SHLD1: variants seen among roughly 807,000 people sequenced by gnomAD.
The protein encoded by SHLD1 is RINN1-REV7-interacting novel NHEJ regulator 3.
SHLD1 carries 3 observed loss-of-function variants against 5.5 expected under a neutral mutation model. The observed-to-expected ratio is 0.54, with a 90% confidence interval of 0.25 to 1.40. The LOEUF (loss-of-function observed/expected upper bound fraction) is 1.40. Among genes scored for constraint, SHLD1 ranks in the 40% most tolerant of loss-of-function variants. The pLI, the probability that SHLD1 is intolerant of heterozygous loss-of-function variation, is 0.15. For synonymous variants in SHLD1, 92 were observed against 94.3 expected (o/e 0.98, Z 0.14); for missense variants, 210 against 244.4 (o/e 0.86, Z 0.94).
chr20:5,755,687 G>A (rs1177487537), intron 1 of SHLD1, among the ~76,000 whole-genome samples: 1 of 151,936 alleles, frequency 6.6e-6, no homozygotes, highest in African/African-American at 2.4e-5. Flanking sequence ...AGCCTCCCCA[G>A]TAGCTGGGAT....
chr20:5,831,522 T>C lies in SHLD1; in HGVS notation c.179-31502T>C, dbSNP rs1017107628. On this transcript the variant is annotated intron_variant, in intron 2 of 2. Transcript: ENST00000303142. ...TCCATTCAGGAGATATGAAAGGCTG[T>C]GCTGTTGCTTACATTTCTGGAACCA... Among the ~76,000 whole-genome samples, 3 of 152,194 alleles carry C rather than the reference T, an allele frequency of 2.0e-5. No homozygotes were observed. The East Asian group carries it at 5.8e-4, about 29-fold the overall frequency.
At chr20:5,849,688 G>A (rs945215958) in intron 2 of SHLD1, among the ~76,000 whole-genome samples, 14 of 152,164 alleles carry the variant, frequency 9.2e-5, no homozygotes, top group Admixed American at 1.3e-4. Flanking sequence ...GGCCGGGCGC[G>A]GTGGCTCACG....
intron 2 of SHLD1, among the ~76,000 whole-genome samples, chr20:5,783,246 A>G (rs1452603883): frequency 6.6e-6 from 1 of 151,910 alleles, no homozygotes; most frequent in Admixed American, 6.6e-5. Flanking sequence ...TTGTTTTGAG[A>G]CAGAGTCTCA....
chr20:5,805,399 C>T (rs751392272), intron 2 of SHLD1, among the ~76,000 whole-genome samples: 5 of 152,082 alleles, frequency 3.3e-5, no homozygotes, highest in East Asian at 1.9e-4. Context: ...TCAGGTGATC[C>T]GCCCACCTCA....
chr20:5,796,410 GT>G (rs11475780), intron 2 of SHLD1, among the ~76,000 whole-genome samples: 42,331 of 151,926 alleles, frequency 0.28, 5,922 homozygotes, highest in Middle Eastern at 0.34. Context: ...CCCCTCTAGA[GT>G]TTTTTCTTTT....
At chr20:5,833,863 T>C (rs1396813769) in intron 2 of SHLD1, among the ~76,000 whole-genome samples, 2 of 152,168 alleles carry the variant, frequency 1.3e-5, no homozygotes, top group African/African-American at 4.8e-5. Context: ...AAACATAATT[T>C]AGATTCACAT....
At chr20:5,773,466 T>C in intron 2 of SHLD1, 1 of 323,790 alleles carries the variant, frequency 3.1e-6, no homozygotes, top group Non-Finnish European at 5.7e-6. Flanking sequence ...TGAAGTATGC[T>C]GTGGATTTAA....
At chr20:5,809,116 G>A (rs1340704242) in intron 2 of SHLD1, among the ~76,000 whole-genome samples, 1 of 152,038 alleles carries the variant, frequency 6.6e-6, no homozygotes, top group Non-Finnish European at 1.5e-5. Flanking sequence ...GAAATGTTGG[G>A]GGTGGATTTT....
In SHLD1 at chr20:5,864,127, C is replaced by T. The variant is rs1231236296; in HGVS notation, c.*664C>T. ...AAAAGTATATCACATCTTGATCACA[C>T]CCTTGCCTCCTCTCCAAAGCTAGAA... On this transcript the variant is annotated 3_prime_UTR_variant, in exon 3 of 3. Coordinates refer to ENST00000303142, the MANE Select transcript of SHLD1 (RefSeq NM_152504.4). Among the ~76,000 whole-genome samples the T allele has an allele frequency of 6.6e-6, 1 of 152,210 alleles. No homozygotes were observed. The highest frequency in any genetic ancestry group is 6.5e-5 in the Admixed American group (1 of 15,282).
intron 2 of SHLD1, among the ~76,000 whole-genome samples, chr20:5,782,370 G>A (rs6053680): frequency 0.23 from 35,546 of 152,070 alleles, 4,208 homozygotes; most frequent in Middle Eastern, 0.32. Flanking sequence ...CTCATGTGGC[G>A]TATCTCACCT....
intron 2 of SHLD1, among the ~76,000 whole-genome samples, chr20:5,825,211 C>T (rs1468206219): frequency 1.3e-5 from 2 of 152,222 alleles, no homozygotes; most frequent in Non-Finnish European, 2.9e-5. Flanking sequence ...CAGAAATGGA[C>T]CATTCTGTCT....
At chr20:5,833,106 C>G (rs1268608173) in intron 2 of SHLD1, among the ~76,000 whole-genome samples, 1 of 151,942 alleles carries the variant, frequency 6.6e-6, no homozygotes, top group African/African-American at 2.4e-5. Flanking sequence ...AGTGCTAGTA[C>G]TCTTGCTCTT....
At chr20:5,805,446 CT>C (rs2087361010) in intron 2 of SHLD1, among the ~76,000 whole-genome samples, 1 of 151,952 alleles carries the variant, frequency 6.6e-6, no homozygotes, top group African/African-American at 2.4e-5. Flanking sequence ...CGTGAGACCC[CT>C]AATCCTTTTT....
At chr20:5,778,329 G>C (rs145951785) in intron 2 of SHLD1, among the ~76,000 whole-genome samples, 1,614 of 145,816 alleles carry the variant, frequency 0.011, 27 homozygotes, top group African/African-American at 0.038. Context: ...AGGTTTCACC[G>C]TGTTAGCCAG....
chr20:5,798,304 G>C (rs534523913), intron 2 of SHLD1, among the ~76,000 whole-genome samples: 18 of 74,682 alleles, frequency 2.4e-4, no homozygotes, highest in African/African-American at 7.1e-4. Context: ...GAAACTCTCA[G>C]TTCTCTTTTT....
chr20:5,759,374 C>T (rs1223253530), intron 1 of SHLD1, among the ~76,000 whole-genome samples: 1 of 152,078 alleles, frequency 6.6e-6, no homozygotes, highest in Non-Finnish European at 1.5e-5. Flanking sequence ...ATTCTCATGC[C>T]TCAGCCTCTC....
intron 2 of SHLD1, among the ~76,000 whole-genome samples, chr20:5,818,520 A>G (rs560984670): frequency 6.6e-6 from 1 of 152,312 alleles, no homozygotes; most frequent in South Asian, 2.1e-4. Flanking sequence ...CCCATTTTAT[A>G]GGTTAAATAA....
chr20:5,755,653 A>G lies in SHLD1; in HGVS notation c.-5+5174A>G, dbSNP rs149284086. Among the ~76,000 whole-genome samples the G allele has an allele frequency of 9.6e-3, 1,452 of 151,772 alleles. 27 individuals carry two copies. Among genetic ancestry groups the G allele is most frequent in the African/African-American group, 0.033 (1,360 of 41,374 alleles). On this transcript the variant is annotated intron_variant, in intron 1 of 2. Transcript: ENST00000303142. ...AGGCTCACCACAACCTCCGCCTCCC[A>G]GGTTCAAGCGGTTCTCCTGCTTCAG...
At position 5,811,857 on chromosome 20, in the gene SHLD1, G is replaced by GA. The variant is rs58643272; in HGVS notation, c.178+38827dup. Among the ~76,000 whole-genome samples, 247 of 144,506 alleles carry GA rather than the reference G, an allele frequency of 1.7e-3. 1 individual carries two copies. Among genetic ancestry groups the GA allele is most frequent in the African/African-American group, 4.7e-3 (184 of 38,908 alleles). The allele number at this position is 144,506 out of a possible 152,430, so 94.8% of individuals were successfully genotyped here. The stretch of plus-strand genomic sequence containing the variant: ...GGCAACAATGTGAAACTGTGTCTCT[G>GA]AAAAAAAAAAAAATGAATTTGAACA... On this transcript the variant is annotated intron_variant, in intron 2 of 2. Transcript: ENST00000303142.
Sources: allele counts gnomAD v4.1 joint callset (sites outside exome capture counted in the v4.1 genomes callset), GRCh38; gene constraint gnomAD v4.1.1; transcripts MANE v1.5; gene names NCBI Gene and HGNC (gene_info 2026-07-23, HGNC 2026-07-21).